IQCE: variants seen among roughly 807,000 people sequenced by gnomAD.
IQCE encodes the protein IQ motif containing E.
In IQCE, 115 loss-of-function variants were observed where a neutral mutation model predicts 96.0. The ratio of observed to expected loss-of-function variants is 1.20; its 90% CI spans 1.03 to 1.40. IQCE has a LOEUF of 1.40. Among genes scored for constraint, IQCE ranks in the 40% most tolerant of loss-of-function variants. The pLI, the probability that IQCE is intolerant of heterozygous loss-of-function variation, is 0.00. For synonymous variants in IQCE, 412 were observed against 371.2 expected, an observed-to-expected ratio of 1.11 and a Z score of -1.26; for missense variants, 1,041 against 909.1, an observed-to-expected ratio of 1.15 and a Z score of -1.87.
Position 2,586,334 on chromosome 7 carries a change from C to A in IQCE, c.951C>A (p.Arg317=). ...ENQSLKEDLD[R]VLSTSPTISK... is the part of the protein sequence containing the mutation. ...AGAGCCTGAAGGAGGACCTGGACCG[C>A]GTGCTGAGCACCTCCCCAACCATCT... Residue 317 remains arginine, a synonymous_variant, in exon 12 of 22, where the codon CGC becomes CGA. Transcript: ENST00000402050. 1 of 1,613,660 alleles carries A rather than the reference C, an allele frequency of 6.2e-7. No homozygotes were observed.
intron 12 of IQCE, among the ~76,000 whole-genome samples, 182 bp from the exon 13 acceptor site, chr7:2,587,640 G>T (rs943315448): frequency 6.6e-6 from 1 of 152,154 alleles, no homozygotes; most frequent in African/African-American, 2.4e-5. Context: ...CACGATCCAA[G>T]GGGGCAGAGA....
chr7:2,595,156 T>G (rs1398038378), intron 16 of IQCE, among the ~76,000 whole-genome samples, 180 bp downstream of exon 16: 4 of 152,230 alleles, frequency 2.6e-5, no homozygotes, highest in Non-Finnish European at 5.9e-5. Flanking sequence ...GGTTTTGGAT[T>G]AATTGACTGT....
At position 2,601,441 on chromosome 7, in the gene IQCE, A is replaced by G. The variant is rs775816547; in HGVS notation, c.1609A>G (p.Lys537Glu). ...TTTTTCTTTCTTTTTTTTTTTCCAGAAAAAAAAGGCTGTTCTGGATGAGGT... is the reference window on the plus strand; with the variant it reads ...TTTTTCTTTCTTTTTTTTTTTCCAGGAAAAAAAGGCTGTTCTGGATGAGGT... The part of the protein sequence containing the change: ...QAQWKVYKHK[K>E]KKAVLDEAAV... The change falls in exon 18 of 22, where the codon AAA becomes GAA. Residue 537 changes from lysine (K) to glutamate (E), a missense_variant and splice_region_variant. Transcript: ENST00000402050. The G allele has an allele frequency of 6.5e-6, 10 of 1,531,856 alleles. No homozygotes were observed. The highest frequency in any genetic ancestry group is 8.0e-6 in the Non-Finnish European group (9 of 1,120,710). 94.9% of individuals were successfully genotyped at this position (1,531,856 alleles called of 1,614,324 possible).
At chr7:2,562,809 A>T (rs187316680) in intron 1 of IQCE, among the ~76,000 whole-genome samples, 1 of 149,642 alleles carries the variant, frequency 6.7e-6, no homozygotes, top group African/African-American at 2.5e-5. Context: ...CTGGTTCTGA[A>T]GGTGAAAGTT....
chr7:2,606,987 T>TGG, intron 20 of IQCE, 137 bp from the exon 21 acceptor site: 1 of 755,142 alleles, frequency 1.3e-6, no homozygotes, highest in Non-Finnish European at 2.1e-6. Flanking sequence ...GCGCTGGTCG[T>TGG]GGGGCTCGGG....
At chr7:2,600,521 G>GT (rs1332796236) in intron 17 of IQCE, among the ~76,000 whole-genome samples, 1 of 152,226 alleles carries the variant, frequency 6.6e-6, no homozygotes, top group African/African-American at 2.4e-5. Context: ...CTGAAAAGCA[G>GT]TTTCCTTATT....
In IQCE at chr7:2,578,286, G is replaced by A. The variant is rs979248462; in HGVS notation, c.510G>A (p.Lys170=). Residue 170 remains lysine (K), a synonymous_variant, in exon 7 of 22, where the codon AAG becomes AAA. Transcript: ENST00000402050. ...GCGACGTGGACCTGATGAGAACGAA[G>A]CTCCGGCGCCTGGAGGAGGAAAACA... The part of the protein sequence containing the change: ...QKSDVDLMRT[K]LRRLEEENSR... 2.7e-5 allele frequency: 43 copies of A among 1,613,878 alleles called. No individual in the cohort carries two copies. Among genetic ancestry groups the A allele is most frequent in the Non-Finnish European group, 3.3e-5 (39 of 1,179,938 alleles).
intron 21 of IQCE, chr7:2,607,698 C>A (rs1178908818): frequency 3.3e-6 from 1 of 300,332 alleles, no homozygotes; most frequent in Non-Finnish European, 5.2e-6. Flanking sequence ...CTTTCTCTGG[C>A]CGTCAGTCCC....
intron 2 of IQCE, 60 bp downstream of exon 2, chr7:2,567,223 T>C (rs989611572): frequency 1.9e-5 from 26 of 1,366,666 alleles, no homozygotes; most frequent in Non-Finnish European, 2.6e-5. Context: ...CCTTGCAGAC[T>C]GCACTCGGAA....
intron 2 of IQCE, 112 bp downstream of exon 2, chr7:2,567,275 G>A (rs1324279056): frequency 2.4e-6 from 2 of 825,348 alleles, no homozygotes; most frequent in East Asian, 5.2e-5. Context: ...GTCGAGAGCT[G>A]GAATGCATAT....
At chr7:2,566,207 C>G (rs1781359612) in intron 1 of IQCE, among the ~76,000 whole-genome samples, 1 of 151,798 alleles carries the variant, frequency 6.6e-6, no homozygotes, top group Non-Finnish European at 1.5e-5. Flanking sequence ...TTCCGAGGGA[C>G]TTTAAACATT....
chr7:2,578,691 G>C (rs565528294), intron 8 of IQCE, among the ~76,000 whole-genome samples, 165 bp downstream of exon 8: 229 of 152,260 alleles, frequency 1.5e-3, no homozygotes, highest in African/African-American at 5.3e-3. Flanking sequence ...GGACACCACG[G>C]GGAGGGGGGC....
chr7:2,605,841 A>T, intron 19 of IQCE, 35 bp from the exon 20 acceptor site: 1 of 1,514,980 alleles, frequency 6.6e-7, no homozygotes, highest in African/African-American at 1.4e-5. Flanking sequence ...GGGGGCTGCC[A>T]AACAGTCGTC....
At chr7:2,574,627 G>T (rs554406618) in intron 6 of IQCE, among the ~76,000 whole-genome samples, 1 of 152,184 alleles carries the variant, frequency 6.6e-6, no homozygotes, top group Non-Finnish European at 1.5e-5. Context: ...GGATTATCTC[G>T]TTTGGGATTT....
intron 18 of IQCE, 135 bp downstream of exon 18, chr7:2,601,599 G>T (rs560522564): frequency 1.4e-6 from 1 of 735,466 alleles, no homozygotes; most frequent in South Asian, 1.5e-5. Flanking sequence ...GCCCAGCCTG[G>T]AGTGCAGTGG....
At position 2,606,013 on chromosome 7, in the gene IQCE, G is replaced by A. The variant is rs180727739; in HGVS notation, c.1865+16G>A. On this transcript the variant is annotated intron_variant, in intron 20 of 21. Coordinates refer to ENST00000402050, the MANE Select transcript of IQCE (RefSeq NM_152558.5). ...CCAGGCACAGGTGAGTCAGGGTCAC[G>A]GGGACGTGGGACACAGACATGGCAC... 351 of 1,601,254 alleles carry A rather than the reference G, an allele frequency of 2.2e-4. 2 individuals are homozygous for A. In the African/African-American group the frequency reaches 3.4e-3, roughly 15 times the overall value.
At chr7:2,593,208 G>C in intron 15 of IQCE, 82 bp downstream of exon 15, 1 of 1,493,800 alleles carries the variant, frequency 6.7e-7, no homozygotes, top group Non-Finnish European at 9.0e-7. Flanking sequence ...TGGCGTCTCA[G>C]CCTTGCTGCC....
At chr7:2,607,329 A>T in intron 21 of IQCE, 102 bp downstream of exon 21, 2 of 1,520,322 alleles carry the variant, frequency 1.3e-6, no homozygotes, top group Non-Finnish European at 1.8e-6. Flanking sequence ...GTCGGGACGG[A>T]AGGGAGGAGT....
At chr7:2,592,805 C>A (rs1022169668) in intron 14 of IQCE, among the ~76,000 whole-genome samples, 18 of 152,220 alleles carry the variant, frequency 1.2e-4, no homozygotes, top group Non-Finnish European at 1.8e-4. Flanking sequence ...TCCGGTTGAT[C>A]CCCTGCACAC....
Sources: gnomAD v4.1 joint callset for allele counts (sites outside exome capture counted in the v4.1 genomes callset) on GRCh38, gnomAD v4.1.1 for gene constraint, MANE v1.5 for transcripts, NCBI Gene and HGNC (gene_info 2026-07-23, HGNC 2026-07-21) for gene names.